The following DPP10 variants were observed in gnomAD, a reference collection of about 807,000 sequenced individuals.
DPP10 encodes dipeptidyl peptidase like 10.
Under a neutral mutation model 120.9 loss-of-function variants are expected in DPP10, and 33 were observed. The observed-to-expected ratio is 0.27, with a 90% CI of 0.21 to 0.37. DPP10 has a LOEUF of 0.37. DPP10 is among the 10% of genes least tolerant of loss of function. The pLI is 1.00. For synonymous variants in DPP10, 337 were observed against 326.1 expected, an observed-to-expected ratio of 1.03 and a Z score of -0.36; for missense variants, 816 against 942.8, an observed-to-expected ratio of 0.87 and a Z score of 1.76.
chr2:115,256,055 C>T (rs992386448), intron 1 of DPP10, among the ~76,000 whole-genome samples: 3 of 152,158 alleles, frequency 2.0e-5, no homozygotes, highest in Non-Finnish European at 2.9e-5. Context: ...AGTTTGTTCT[C>T]ATGCTGCTAA....
intron 5 of DPP10, among the ~76,000 whole-genome samples, chr2:115,634,935 A>G (rs1164569296): frequency 1.3e-5 from 2 of 151,772 alleles, no homozygotes; most frequent in East Asian, 3.9e-4. Flanking sequence ...TCTTGTAGGG[A>G]GGGCTTGCCT....
intron 1 of DPP10, among the ~76,000 whole-genome samples, chr2:115,093,905 C>T (rs1709497870): frequency 6.6e-6 from 1 of 151,860 alleles, no homozygotes; most frequent in South Asian, 2.1e-4. Flanking sequence ...TTTTAATTTT[C>T]TAACATTAAA....
chr2:115,571,795 AC>A (rs2081351710), intron 5 of DPP10, among the ~76,000 whole-genome samples: 1 of 151,654 alleles, frequency 6.6e-6, no homozygotes, highest in Non-Finnish European at 1.5e-5. Context: ...TAGTCTCAAA[AC>A]CCCAAGTCCA....
intron 8 of DPP10, among the ~76,000 whole-genome samples, chr2:115,738,434 T>C (rs1468414062): frequency 6.6e-6 from 1 of 152,120 alleles, no homozygotes. Flanking sequence ...AGCAAGTAAG[T>C]GCTACAACAC....
At chr2:114,845,170 T>G (rs1017962137) in intron 1 of DPP10, among the ~76,000 whole-genome samples, 33 of 152,118 alleles carry the variant, frequency 2.2e-4, no homozygotes, top group African/African-American at 6.8e-4. Context: ...GGGATCCTGA[T>G]CAGTCAACCA....
At chr2:115,364,071 G>C (rs929511822) in intron 3 of DPP10, among the ~76,000 whole-genome samples, 17 of 147,574 alleles carry the variant, frequency 1.2e-4, no homozygotes, top group African/African-American at 4.3e-4. Context: ...AATAAGGAGG[G>C]ATTAAAATAT....
chr2:115,673,472 A>G (rs2090058316), intron 5 of DPP10, among the ~76,000 whole-genome samples: 1 of 152,220 alleles, frequency 6.6e-6, no homozygotes, highest in Non-Finnish European at 1.5e-5. Flanking sequence ...GAGTCAAGAC[A>G]TGCCTAAGAG....
intron 3 of DPP10, among the ~76,000 whole-genome samples, chr2:115,352,321 T>C (rs2106309574): frequency 6.6e-6 from 1 of 152,284 alleles, no homozygotes; most frequent in African/African-American, 2.4e-5. Context: ...TCAACAAGCA[T>C]TTATTGAGCT....
At chr2:114,545,359 T>C (rs1687308945) in intron 1 of DPP10, among the ~76,000 whole-genome samples, 1 of 152,220 alleles carries the variant, frequency 6.6e-6, no homozygotes, top group East Asian at 1.9e-4. Context: ...GCTGACACTT[T>C]ATTTCTATTT....
intron 1 of DPP10, among the ~76,000 whole-genome samples, chr2:115,243,532 T>A (rs2058383728): frequency 6.6e-6 from 1 of 152,226 alleles, no homozygotes; most frequent in Non-Finnish European, 1.5e-5. Context: ...CTGTACAAAC[T>A]GTAAAGCCAG....
At chr2:115,620,508 A>G (rs2084865542) in intron 5 of DPP10, among the ~76,000 whole-genome samples, 1 of 152,248 alleles carries the variant, frequency 6.6e-6, no homozygotes, top group African/African-American at 2.4e-5. Flanking sequence ...GCAAAGCACC[A>G]TCAATGGAAA....
chr2:115,257,067 T>C (rs2059034216), intron 1 of DPP10, among the ~76,000 whole-genome samples: 1 of 152,208 alleles, frequency 6.6e-6, no homozygotes, highest in Non-Finnish European at 1.5e-5. Flanking sequence ...TGAGACCTTG[T>C]AAGCGTGAAA....
chr2:114,820,732 A>T (rs2106355711), intron 1 of DPP10, among the ~76,000 whole-genome samples: 1 of 152,300 alleles, frequency 6.6e-6, no homozygotes, highest in Admixed American at 6.5e-5. Flanking sequence ...GCATGGGGGA[A>T]CTGCCCCCGT....
intron 1 of DPP10, among the ~76,000 whole-genome samples, chr2:114,866,195 G>A (rs950226822): frequency 1.7e-4 from 26 of 151,718 alleles, no homozygotes; most frequent in African/African-American, 6.0e-4. Context: ...TACAAATCAT[G>A]ATAAGAAAGA....
intron 1 of DPP10, among the ~76,000 whole-genome samples, chr2:114,663,260 C>CTATA (rs908023940): frequency 2.8e-5 from 4 of 144,384 alleles, no homozygotes; most frequent in Non-Finnish European, 4.5e-5. Flanking sequence ...ATATATATAT[C>CTATA]TATATATATA....
chr2:115,177,279 ATGAACT>A (rs1335557526), intron 1 of DPP10, among the ~76,000 whole-genome samples: 1 of 152,226 alleles, frequency 6.6e-6, no homozygotes, highest in Non-Finnish European at 1.5e-5. Context: ...GTCTCCCGTA[ATGAACT>A]TGAACGACAA....
At chr2:115,535,707 A>G (rs940848138) in intron 5 of DPP10, among the ~76,000 whole-genome samples, 21 of 151,038 alleles carry the variant, frequency 1.4e-4, no homozygotes, top group Admixed American at 6.6e-4. Flanking sequence ...CTTGGGCAGT[A>G]TGGCCATTTT....
At chr2:115,151,024 A>G (rs1184797034) in intron 1 of DPP10, among the ~76,000 whole-genome samples, 1 of 152,154 alleles carries the variant, frequency 6.6e-6, no homozygotes, top group African/African-American at 2.4e-5. Flanking sequence ...ACTGATTTCT[A>G]GAAGACTCCT....
rs1204538951 is a variant in DPP10, at chr2:115,062,158, G to GTGTGTGTC, written c.61-247074_61-247073insCTGTGTGT. 9.8e-4 allele frequency among the ~76,000 whole-genome samples: 134 copies of GTGTGTGTC among 136,640 alleles called. 1 individual carries two copies. The Middle Eastern group carries it at 0.023, about 23-fold the overall frequency. The allele number at this position is 136,640 out of a possible 152,430, so 89.6% of individuals were successfully genotyped here. A position where few individuals can be genotyped will look rare whatever the true frequency, so the allele number is the denominator to read the frequency against. On this transcript the variant is annotated intron_variant, in intron 1 of 25. Coordinates refer to ENST00000410059, the MANE Select transcript of DPP10 (RefSeq NM_020868.6). ...TGTGTGTGTGTGTGTGTGTGTGTGT[G>GTGTGTGTC]TGTGTGTGTGTATGTGTGTGCATGG...
Sources: allele counts gnomAD v4.1 joint callset (sites outside exome capture counted in the v4.1 genomes callset), GRCh38; gene constraint gnomAD v4.1.1; transcripts MANE v1.5; gene names NCBI Gene and HGNC (gene_info 2026-07-23, HGNC 2026-07-21).